Variants in ZNF365 observed in about 807,000 individuals in gnomAD.
ZNF365 encodes protein ZNF365.
A neutral mutation model predicts 35.0 loss-of-function variants in ZNF365; 22 were observed. That is an observed-to-expected ratio of 0.63 (90% CI 0.45 to 0.90). The LOEUF (loss-of-function observed/expected upper bound fraction) is 0.90, where lower values mean the gene tolerates loss of function less well. Ranked by LOEUF, ZNF365 falls within the 40% of genes least tolerant of loss-of-function variation. ZNF365 has a pLI of 0.00. For synonymous variants in ZNF365, 188 were observed against 196.2 expected (o/e 0.96, Z 0.35); for missense variants, 448 against 500.3 (o/e 0.90, Z 1.00).
At chr10:62,413,602 T>A (rs1840023403) in intron 3 of ZNF365, among the ~76,000 whole-genome samples, 1 of 152,014 alleles carries the variant, frequency 6.6e-6, no homozygotes, top group Admixed American at 6.6e-5. Flanking sequence ...ATTTAGGGTG[T>A]ACCTAACACC....
chr10:62,404,516 T>G (rs1330638090), downstream of ZNF365, among the ~76,000 whole-genome samples: 4 of 152,214 alleles, frequency 2.6e-5, no homozygotes, highest in Non-Finnish European at 5.9e-5. Flanking sequence ...AGCTACTCCT[T>G]TTCTCAGCCA....
intron 3 of ZNF365, among the ~76,000 whole-genome samples, chr10:62,435,877 CA>C (rs1840399338): frequency 6.6e-6 from 1 of 152,110 alleles, no homozygotes; most frequent in Non-Finnish European, 1.5e-5. Flanking sequence ...AAATATCTAG[CA>C]AAAGACTAGT....
At chr10:62,430,832 C>T (rs1840323769) in intron 3 of ZNF365, among the ~76,000 whole-genome samples, 1 of 152,184 alleles carries the variant, frequency 6.6e-6, no homozygotes, top group South Asian at 2.1e-4. Flanking sequence ...GAACACCAAA[C>T]ATAAGGTACC....
intron 2 of ZNF365, among the ~76,000 whole-genome samples, chr10:62,384,376 T>C (rs766466615): frequency 6.6e-6 from 1 of 152,270 alleles, no homozygotes; most frequent in Non-Finnish European, 1.5e-5. Context: ...ACTAGCTTTG[T>C]AATTACGTGT....
At chr10:62,449,683 G>A (rs1840646528) in intron 3 of ZNF365, among the ~76,000 whole-genome samples, 1 of 152,098 alleles carries the variant, frequency 6.6e-6, no homozygotes, top group Non-Finnish European at 1.5e-5. Context: ...TGTCCACACT[G>A]GCAGTAAATG....
At chr10:62,408,680 TG>T (rs1839940623) in intron 3 of ZNF365, among the ~76,000 whole-genome samples, 1 of 152,120 alleles carries the variant, frequency 6.6e-6, no homozygotes, top group Non-Finnish European at 1.5e-5. Context: ...CAGCATCTGT[TG>T]GGGGATATAT....
At chr10:62,432,467 G>A (rs890058882) in intron 3 of ZNF365, among the ~76,000 whole-genome samples, 5 of 152,148 alleles carry the variant, frequency 3.3e-5, no homozygotes, top group African/African-American at 1.2e-4. Context: ...CTGTTTTTCT[G>A]TCTTGGAGTC....
chr10:62,458,851 G>A (rs1211469801), intron 3 of ZNF365, among the ~76,000 whole-genome samples: 1 of 152,094 alleles, frequency 6.6e-6, no homozygotes, highest in Non-Finnish European at 1.5e-5. Flanking sequence ...GTCAGCATTG[G>A]CTTTATCTAT....
At chr10:62,466,909 C>T (rs1840953231) in intron 4 of ZNF365, among the ~76,000 whole-genome samples, 1 of 152,116 alleles carries the variant, frequency 6.6e-6, no homozygotes, top group South Asian at 2.1e-4. Context: ...TCAAGTGATT[C>T]TCTTGTCTCA....
At chr10:62,424,794 T>C (rs1016787727) in intron 3 of ZNF365, among the ~76,000 whole-genome samples, 1 of 152,232 alleles carries the variant, frequency 6.6e-6, no homozygotes, top group Non-Finnish European at 1.5e-5. Context: ...GACATTGATG[T>C]ATTAAAGAAT....
At chr10:62,398,545 A>C (rs1839769213) in intron 3 of ZNF365, among the ~76,000 whole-genome samples, 195 bp from the exon 4 acceptor site, 1 of 152,136 alleles carries the variant, frequency 6.6e-6, no homozygotes, top group Non-Finnish European at 1.5e-5. Flanking sequence ...AGGCTCCTGG[A>C]GTAAGCAAGC....
chr10:62,432,334 T>C (rs1840347078), intron 3 of ZNF365, among the ~76,000 whole-genome samples: 1 of 152,230 alleles, frequency 6.6e-6, no homozygotes, highest in Non-Finnish European at 1.5e-5. Flanking sequence ...ATTTTACTCA[T>C]GTGCTTCAGA....
Position 62,402,068 on chromosome 10 carries a change from A to G in ZNF365, c.*2279A>G, listed in dbSNP as rs995532296. On this transcript the variant is annotated 3_prime_UTR_variant, in exon 5 of 5. Transcript: ENST00000395254. ...CACTTAACATACCATGGCCTGAGCT[A>G]AGTACCATGTCCTGTTTGTGTCTTA... 8.9e-5 allele frequency: 88 copies of G among 985,790 alleles called. No individual in the cohort carries two copies. Among genetic ancestry groups the G allele is most frequent in the Non-Finnish European group, 1.0e-4 (86 of 829,928 alleles). 61.1% of individuals were successfully genotyped at this position (985,790 alleles called of 1,614,324 possible).
chr10:62,399,096 C>T (rs540165952), intron 4 of ZNF365, among the ~76,000 whole-genome samples: 1 of 152,218 alleles, frequency 6.6e-6, no homozygotes, highest in East Asian at 1.9e-4. Context: ...TAATGTAGTT[C>T]ATGTACTACA....
chr10:62,404,206 C>T (rs113987593), downstream of ZNF365, among the ~76,000 whole-genome samples: 9 of 152,182 alleles, frequency 5.9e-5, no homozygotes, highest in Non-Finnish European at 1.0e-4. Context: ...GACACTGATA[C>T]ATTTTGCATA....
At chr10:62,433,141 G>T (rs2132457962) in intron 3 of ZNF365, among the ~76,000 whole-genome samples, 1 of 152,182 alleles carries the variant, frequency 6.6e-6, no homozygotes, top group African/African-American at 2.4e-5. Flanking sequence ...GTTTGATTTG[G>T]ATTTGTTTGA....
intron 2 of ZNF365, among the ~76,000 whole-genome samples, chr10:62,381,605 T>G (rs1355990741): frequency 1.3e-5 from 2 of 152,170 alleles, no homozygotes; most frequent in Non-Finnish European, 2.9e-5. Context: ...TTTATTTTTC[T>G]GATGTGATTA....
At chr10:62,415,569 G>A (rs1589443810) in intron 3 of ZNF365, among the ~76,000 whole-genome samples, 2 of 152,156 alleles carry the variant, frequency 1.3e-5, no homozygotes, top group East Asian at 3.9e-4. Context: ...CAGGTTTTGG[G>A]CTTAGCTTGC....
intron 4 of ZNF365, among the ~76,000 whole-genome samples, chr10:62,463,298 C>A (rs753049881): frequency 6.6e-6 from 1 of 152,192 alleles, no homozygotes; most frequent in Non-Finnish European, 1.5e-5. Flanking sequence ...CTTGTCAAAG[C>A]CAAAAGATTA....
Sources: allele counts gnomAD v4.1 joint callset (sites outside exome capture counted in the v4.1 genomes callset), GRCh38; gene constraint gnomAD v4.1.1; transcripts MANE v1.5; gene names NCBI Gene and HGNC (gene_info 2026-07-23, HGNC 2026-07-21).